The following CCSER1 variants were observed in gnomAD, a reference collection of about 807,000 sequenced individuals.
The protein encoded by CCSER1 is coiled-coil serine rich protein 1.
Under a neutral mutation model 82.0 loss-of-function variants are expected in CCSER1, and 41 were observed. The observed-to-expected ratio is 0.50, with a 90% CI of 0.39 to 0.65. The LOEUF (loss-of-function observed/expected upper bound fraction) is 0.65. Among genes scored for constraint, CCSER1 ranks in the 30% least tolerant of loss-of-function variants. The pLI, the probability that CCSER1 is intolerant of heterozygous loss-of-function variation, is 0.00. For missense variants in CCSER1, 1,119 were observed against 1,064.2 expected (o/e 1.05, Z -0.72); for synonymous variants, 414 against 383.9 (o/e 1.08, Z -0.92).
In CCSER1 at chr4:91,075,220, G is replaced by A. The variant is rs556417366; in HGVS notation, c.2173-10730G>A. ...TTAATAGCCTTTCTCCCTTCCTGCCGTACTAAACCATCTTAATTTAGCACA... is the reference window on the plus strand; with the variant it reads ...TTAATAGCCTTTCTCCCTTCCTGCCATACTAAACCATCTTAATTTAGCACA... On this transcript the variant is annotated intron_variant, in intron 9 of 10. Coordinates refer to ENST00000509176, the MANE Select transcript of CCSER1 (RefSeq NM_001145065.2). Among the ~76,000 whole-genome samples, 23 of 150,464 alleles carry A rather than the reference G, an allele frequency of 1.5e-4. No homozygotes were observed. The South Asian group carries it at 2.7e-3, about 18-fold the overall frequency.
At chr4:90,613,766 T>G (rs946312534) in intron 5 of CCSER1, among the ~76,000 whole-genome samples, 3 of 152,170 alleles carry the variant, frequency 2.0e-5, no homozygotes, top group Non-Finnish European at 2.9e-5. Context: ...AGGACGTGAT[T>G]TCTTCCTGTG....
At chr4:91,390,537 A>G (rs1029892911) in intron 10 of CCSER1, among the ~76,000 whole-genome samples, 41 of 152,028 alleles carry the variant, frequency 2.7e-4, no homozygotes, top group African/African-American at 9.9e-4. Context: ...GTATTAGGGT[A>G]AAATGCTGAT....
At chr4:90,464,987 C>T (rs531204941) in intron 4 of CCSER1, among the ~76,000 whole-genome samples, 12 of 152,100 alleles carry the variant, frequency 7.9e-5, no homozygotes, top group Non-Finnish European at 1.3e-4. Flanking sequence ...GTTTTCGAGA[C>T]GGGGTCTCGC....
chr4:90,889,563 A>T (rs1375570665), intron 8 of CCSER1, among the ~76,000 whole-genome samples: 1 of 152,006 alleles, frequency 6.6e-6, no homozygotes, highest in African/African-American at 2.4e-5. Context: ...GCTAGAGCAA[A>T]TTTTTTTTAA....
chr4:90,720,839 C>CA (rs1742548270), intron 6 of CCSER1, among the ~76,000 whole-genome samples: 1 of 151,920 alleles, frequency 6.6e-6, no homozygotes, highest in African/African-American at 2.4e-5. Context: ...ATGTAACACT[C>CA]AAAATATCAA....
At chr4:91,358,972 G>C (rs111574321) in intron 10 of CCSER1, among the ~76,000 whole-genome samples, 4 of 152,024 alleles carry the variant, frequency 2.6e-5, no homozygotes, top group African/African-American at 9.7e-5. Context: ...AGGACGAGCC[G>C]CAGACAAAAC....
intron 10 of CCSER1, among the ~76,000 whole-genome samples, chr4:91,162,520 T>C (rs1437766356): frequency 1.3e-5 from 2 of 152,192 alleles, no homozygotes; most frequent in East Asian, 1.9e-4. Flanking sequence ...AGCTCCTCCT[T>C]GTACCTCTGG....
intron 5 of CCSER1, among the ~76,000 whole-genome samples, chr4:90,604,553 T>C (rs1480667693): frequency 6.6e-6 from 1 of 152,220 alleles, no homozygotes; most frequent in South Asian, 2.1e-4. Flanking sequence ...TGTTACAGCA[T>C]TAATTATGTA....
At chr4:91,546,681 C>T (rs1039006492) in intron 10 of CCSER1, among the ~76,000 whole-genome samples, 5 of 152,108 alleles carry the variant, frequency 3.3e-5, no homozygotes, top group African/African-American at 1.2e-4. Context: ...TACATAAAAT[C>T]AGCTTTTTGT....
At chr4:90,656,792 A>G (rs1729777886) in intron 6 of CCSER1, among the ~76,000 whole-genome samples, 1 of 151,962 alleles carries the variant, frequency 6.6e-6, no homozygotes, top group Non-Finnish European at 1.5e-5. Flanking sequence ...TTTGTTAGTT[A>G]TGCAATTTAA....
chr4:90,413,131 T>C lies in CCSER1; in HGVS notation c.1603+13002T>C, dbSNP rs1200580175. 3.3e-5 allele frequency among the ~76,000 whole-genome samples: 5 copies of C among 152,166 alleles called. No homozygotes were observed. In the South Asian group the frequency reaches 8.3e-4, roughly 25 times the overall value. On this transcript the variant is annotated intron_variant, in intron 4 of 10. Coordinates refer to ENST00000509176, the MANE Select transcript of CCSER1 (RefSeq NM_001145065.2). ...TACCAAATTAATGTACACAAATCAG[T>C]AGCCCTTCTATACACCAACAGTTAC...
At chr4:91,039,808 C>G (rs1446679156) in intron 9 of CCSER1, among the ~76,000 whole-genome samples, 1 of 151,872 alleles carries the variant, frequency 6.6e-6, no homozygotes, top group African/African-American at 2.4e-5. Flanking sequence ...ATACACGTAA[C>G]ATATTTGAGC....
At chr4:90,447,214 T>G (rs560468601) in intron 4 of CCSER1, among the ~76,000 whole-genome samples, 1 of 152,318 alleles carries the variant, frequency 6.6e-6, no homozygotes, top group East Asian at 1.9e-4. Flanking sequence ...TTTTTTGTAT[T>G]TATTTAATAA....
At chr4:90,961,559 A>ACCCCC (rs1734054722) in intron 9 of CCSER1, among the ~76,000 whole-genome samples, 1 of 152,164 alleles carries the variant, frequency 6.6e-6, no homozygotes, top group Non-Finnish European at 1.5e-5. Flanking sequence ...GAATGTTAAT[A>ACCCCC]TAAAGTTTCA....
intron 5 of CCSER1, among the ~76,000 whole-genome samples, chr4:90,591,767 A>G (rs1435302632): frequency 6.6e-6 from 1 of 152,200 alleles, no homozygotes; most frequent in Non-Finnish European, 1.5e-5. Context: ...AACAATATCA[A>G]AGACTTGGAA....
intron 4 of CCSER1, among the ~76,000 whole-genome samples, chr4:90,433,470 C>A (rs1228267040): frequency 6.6e-6 from 1 of 151,998 alleles, no homozygotes; most frequent in Non-Finnish European, 1.5e-5. Context: ...AAGACCATTT[C>A]TAGGAATTCA....
At chr4:90,361,423 C>A (rs1288259895) in intron 3 of CCSER1, among the ~76,000 whole-genome samples, 1 of 152,138 alleles carries the variant, frequency 6.6e-6, no homozygotes, top group Non-Finnish European at 1.5e-5. Context: ...GACTATTTCT[C>A]TGGGAATTTT....
chr4:90,459,507 T>C (rs1347057168), intron 4 of CCSER1, among the ~76,000 whole-genome samples: 2 of 152,324 alleles, frequency 1.3e-5, no homozygotes, highest in East Asian at 3.9e-4. Context: ...TTCTGGAGGC[T>C]AGAAGTTCAA....
At chr4:90,597,240 A>G (rs1162163005) in intron 5 of CCSER1, among the ~76,000 whole-genome samples, 1 of 152,018 alleles carries the variant, frequency 6.6e-6, no homozygotes, top group Non-Finnish European at 1.5e-5. Flanking sequence ...AGATGAATGA[A>G]TCAAATACTT....
Sources: allele counts gnomAD v4.1 joint callset (sites outside exome capture counted in the v4.1 genomes callset), GRCh38; gene constraint gnomAD v4.1.1; transcripts MANE v1.5; gene names NCBI Gene and HGNC (gene_info 2026-07-23, HGNC 2026-07-21).